LRGUK: variants seen among roughly 807,000 people sequenced by gnomAD.
LRGUK encodes leucine-rich repeat and guanylate kinase domain-containing protein.
LRGUK carries 65 observed loss-of-function variants against 76.0 expected under a neutral mutation model. The observed-to-expected ratio is 0.85, with a 90% CI of 0.70 to 1.05. LRGUK has a LOEUF of 1.05. LRGUK is among the 50% of genes least tolerant of loss of function. The pLI is 0.00. For missense variants in LRGUK, 758 were observed against 732.8 expected, an observed-to-expected ratio of 1.03 and a Z score of -0.40; for synonymous variants, 268 against 265.6, an observed-to-expected ratio of 1.01 and a Z score of -0.09.
At chr7:134,201,610 T>C (rs899121215) in intron 15 of LRGUK, 34 bp downstream of exon 15, 1 of 1,539,494 alleles carries the variant, frequency 6.5e-7, no homozygotes. Flanking sequence ...CAGGATTTTT[T>C]TTTTTTTCAT....
intron 16 of LRGUK, among the ~76,000 whole-genome samples, 162 bp from the exon 17 acceptor site, chr7:134,247,394 T>G (rs1002132893): frequency 6.6e-6 from 1 of 152,010 alleles, no homozygotes; most frequent in Non-Finnish European, 1.5e-5. Context: ...AGTTGGTTCT[T>G]TTCTTTTTCC....
At chr7:134,167,441 T>C (rs1170684090) in intron 7 of LRGUK, among the ~76,000 whole-genome samples, 2 of 152,124 alleles carry the variant, frequency 1.3e-5, no homozygotes, top group Non-Finnish European at 2.9e-5. Flanking sequence ...GGCTCCATGG[T>C]GATGGGGTCA....
At chr7:134,263,922 C>A (rs773548469) in exon 20 of LRGUK, 4 of 1,612,618 alleles carry the variant, frequency 2.5e-6, no homozygotes, top group Non-Finnish European at 3.4e-6. Flanking sequence ...CATCAGTCGC[C>A]CAGGTTCCAA....
downstream of LRGUK, among the ~76,000 whole-genome samples, chr7:134,211,318 T>C (rs2117128868): frequency 6.6e-6 from 1 of 152,390 alleles, no homozygotes; most frequent in South Asian, 2.1e-4. Context: ...GTTCCAACTC[T>C]GGCTGAAGCA....
At chr7:134,166,826 A>C (rs761997181) in intron 7 of LRGUK, among the ~76,000 whole-genome samples, 22 of 152,122 alleles carry the variant, frequency 1.4e-4, no homozygotes, top group Non-Finnish European at 3.1e-4. Flanking sequence ...GATGCCATTT[A>C]ATGTCCCCGG....
the LRGUK span, among the ~76,000 whole-genome samples, chr7:134,274,091 T>C: frequency 6.6e-6 from 1 of 152,234 alleles, no homozygotes; most frequent in African/African-American, 2.4e-5. Flanking sequence ...TAGAAATATC[T>C]ACTTCGTCCA....
At chr7:134,250,257 T>C (rs1447397069) in intron 18 of LRGUK, among the ~76,000 whole-genome samples, 1 of 152,230 alleles carries the variant, frequency 6.6e-6, no homozygotes, top group Non-Finnish European at 1.5e-5. Flanking sequence ...CAGGGATATA[T>C]ATTTTATTTC....
chr7:134,149,857 G>A (rs549029378), intron 5 of LRGUK, among the ~76,000 whole-genome samples: 1 of 152,198 alleles, frequency 6.6e-6, no homozygotes, highest in African/African-American at 2.4e-5. Flanking sequence ...CACAGCAGCA[G>A]CATCACCTGG....
At chr7:134,247,901 G>A (rs773307400) in intron 17 of LRGUK, among the ~76,000 whole-genome samples, 18 of 152,264 alleles carry the variant, frequency 1.2e-4, no homozygotes, top group African/African-American at 4.1e-4. Context: ...AAGAAGACGG[G>A]TGATTAATCT....
intron 15 of LRGUK, among the ~76,000 whole-genome samples, chr7:134,202,048 C>T (rs1009435203): frequency 2.6e-5 from 4 of 152,112 alleles, no homozygotes; most frequent in Non-Finnish European, 4.4e-5. Context: ...TGATCCTAGC[C>T]CTGTGCTCTC....
chr7:134,180,896 GTTC>G (rs1217668697), intron 10 of LRGUK, among the ~76,000 whole-genome samples: 1 of 151,994 alleles, frequency 6.6e-6, no homozygotes, highest in African/African-American at 2.4e-5. Flanking sequence ...ATAACTCCTG[GTTC>G]TTCTCTGCTC....
At chr7:134,158,109 A>T in exon 6 of LRGUK, 11 of 1,613,258 alleles carry the variant, frequency 6.8e-6, no homozygotes, top group South Asian at 1.1e-5. Flanking sequence ...CAACAATAAG[A>T]TCACGACAAT....
At chr7:134,152,243 A>G (rs28409396) in intron 5 of LRGUK, among the ~76,000 whole-genome samples, 18,474 of 152,036 alleles carry the variant, frequency 0.12, 1,415 homozygotes, top group East Asian at 0.32. Context: ...TGCCAGAAAC[A>G]AGCAATTAGA....
intron 4 of LRGUK, among the ~76,000 whole-genome samples, chr7:134,147,636 A>G (rs1189379600): frequency 2.0e-5 from 3 of 152,162 alleles, no homozygotes; most frequent in Admixed American, 1.3e-4. Flanking sequence ...GGAAATTTAA[A>G]ATAAATGCTA....
At chr7:134,202,769 G>A (rs747204884) in intron 15 of LRGUK, among the ~76,000 whole-genome samples, 6 of 152,274 alleles carry the variant, frequency 3.9e-5, no homozygotes, top group African/African-American at 4.8e-5. Context: ...AAAGTAGAAC[G>A]GTAGTTGCCA....
At chr7:134,262,846 C>G (rs1802765060) in intron 19 of LRGUK, among the ~76,000 whole-genome samples, 1 of 151,862 alleles carries the variant, frequency 6.6e-6, no homozygotes, top group Non-Finnish European at 1.5e-5. Flanking sequence ...TGGCATATGC[C>G]TGTAATCCCA....
chr7:134,160,145 A>C (rs1411278259), intron 6 of LRGUK, among the ~76,000 whole-genome samples: 1 of 152,214 alleles, frequency 6.6e-6, no homozygotes, highest in Non-Finnish European at 1.5e-5. Flanking sequence ...AAAGTGGAGC[A>C]TGGTAAACAG....
intron 17 of LRGUK, 68 bp from the exon 18 acceptor site, chr7:134,248,883 A>G (rs1438427053): frequency 1.6e-6 from 2 of 1,236,186 alleles, no homozygotes; most frequent in East Asian, 5.8e-5. Flanking sequence ...TTAGGTATAC[A>G]TGTGTGTACA....
Position 134,195,353 on chromosome 7 carries a change from T to C in LRGUK, c.1432-1639T>C, listed in dbSNP as rs575124998. Among the ~76,000 whole-genome samples the C allele has an allele frequency of 1.6e-4, 24 of 152,336 alleles. No homozygotes were observed. In the East Asian group the frequency reaches 4.4e-3, roughly 28 times the overall value. ...AGTTTGTTTTGGGAAAGGGCTGTTA[T>C]CATCTTTGTTTTAAAGTGTAAACTA... On this transcript the variant is annotated intron_variant, in intron 12 of 15. Coordinates refer to ENST00000645682, the Ensembl canonical transcript of LRGUK.
Sources: gnomAD v4.1 joint callset for allele counts (sites outside exome capture counted in the v4.1 genomes callset) on GRCh38, gnomAD v4.1.1 for gene constraint, MANE v1.5 for transcripts, NCBI Gene and HGNC (gene_info 2026-07-23, HGNC 2026-07-21) for gene names.